SEC16B: variants seen among roughly 807,000 people sequenced by gnomAD.
SEC16B encodes the protein protein transport protein Sec16B.
Under a neutral mutation model 141.8 loss-of-function variants are expected in SEC16B, and 115 were observed. The observed-to-expected ratio is 0.81, with a 90% CI of 0.70 to 0.95. The LOEUF is 0.95. SEC16B is among the 40% of genes least tolerant of loss of function. SEC16B has a pLI of 0.00. For synonymous variants in SEC16B, 493 were observed against 492.5 expected, an observed-to-expected ratio of 1.00 and a Z score of -0.01; for missense variants, 1,291 against 1,312.3, an observed-to-expected ratio of 0.98 and a Z score of 0.25.
chr1:177,937,002 C>A (rs781593466), intron 19 of SEC16B, among the ~76,000 whole-genome samples: 7 of 152,170 alleles, frequency 4.6e-5, no homozygotes, highest in African/African-American at 1.7e-4. Context: ...ATGGACTGGG[C>A]TGGAAGATAG....
chr1:177,945,095 G>A (rs886860114), intron 14 of SEC16B, among the ~76,000 whole-genome samples: 3 of 152,164 alleles, frequency 2.0e-5, no homozygotes, highest in Non-Finnish European at 4.4e-5. Context: ...CACAAAAGAG[G>A]GGAGCCATGT....
Position 177,958,345 on chromosome 1 carries a change from G to A in SEC16B, c.1152C>T (p.Asp384=). Residue 384 remains aspartate, a synonymous_variant, in exon 10 of 26, where the codon GAC becomes GAT. Transcript: ENST00000308284. ...AGTCTTGCATTAGCAGCTCAGCGAT[G>A]TCAGACCCCACCATGGACTGTAAGG... ...CRQNGSMVGS[D]IAELLMQDCK... 6.3e-7 allele frequency: 1 copy of A among 1,599,426 alleles called. No individual in the cohort carries two copies. The highest frequency in any genetic ancestry group is 1.1e-5 in the South Asian group (1 of 87,140).
In SEC16B at chr1:177,936,359, T is replaced by C; in HGVS notation, c.2510A>G (p.Asn837Ser). Residue 837 changes from asparagine (N) to serine (S), a missense_variant, in exon 20 of 26, where the codon AAC becomes AGC. Physicochemically the swap from Asn to Ser is conservative, Grantham distance 46 (BLOSUM62 1). Coordinates refer to ENST00000308284, the MANE Select transcript of SEC16B (RefSeq NM_033127.4). ...CTGGGAAGTTTCTTGAGACACTGTG[T>C]TCTCTCCTGCATCACAAACAGAAAT... is the stretch of plus-strand genomic sequence containing the variant. Reference protein sequence around the residue: ...MLQTHLGPGENTVSQETSQPP... With the variant: ...MLQTHLGPGESTVSQETSQPP... The C allele has an allele frequency of 1.9e-6, 3 of 1,608,712 alleles. No homozygotes were observed. Among genetic ancestry groups the C allele is most frequent in the African/African-American group, 2.7e-5 (2 of 75,016 alleles).
At chr1:177,940,285 C>T (rs936185709) in intron 17 of SEC16B, among the ~76,000 whole-genome samples, 2 of 152,120 alleles carry the variant, frequency 1.3e-5, no homozygotes, top group Non-Finnish European at 2.9e-5. Context: ...TTGTTCCTAG[C>T]GGAGATGGGG....
At chr1:177,936,899 T>C (rs977126131) in intron 19 of SEC16B, among the ~76,000 whole-genome samples, 6 of 152,160 alleles carry the variant, frequency 3.9e-5, no homozygotes, top group Non-Finnish European at 8.8e-5. Flanking sequence ...ACTTGGCCTA[T>C]ATTTTTCCAC....
chr1:177,956,481 C>T (rs1357202191), intron 10 of SEC16B, among the ~76,000 whole-genome samples: 1 of 152,060 alleles, frequency 6.6e-6, no homozygotes, highest in African/African-American at 2.4e-5. Context: ...TAAAATTTCT[C>T]TGGATATTTC....
At position 177,929,884 on chromosome 1, in the gene SEC16B, G is replaced by A. The variant is rs563037330; in HGVS notation, c.3157C>T (p.Arg1053Cys). 14 of 1,613,918 alleles carry A rather than the reference G, an allele frequency of 8.7e-6. No homozygotes were observed. The highest frequency in any genetic ancestry group is 6.6e-5 in the South Asian group (6 of 91,060). Residue 1053 changes from arginine (R) to cysteine (C), a missense_variant, in exon 26 of 26, where the codon CGT becomes TGT. Physicochemically the swap from Arg to Cys is radical, Grantham distance 180 (BLOSUM62 -3). Transcript: ENST00000308284. ...SLNRPNRLAQ[R>C]RYPTQPC is the part of the protein sequence containing the mutation. Reference sequence around the variant, plus strand: ...CAGCATGGCTGGGTGGGATAGCGACGCTGAGCTAGGCGATTTGGCCGATTC... The same window carrying A: ...CAGCATGGCTGGGTGGGATAGCGACACTGAGCTAGGCGATTTGGCCGATTC...
intron 14 of SEC16B, chr1:177,945,955 G>C (rs892426104): frequency 4.0e-6 from 1 of 247,936 alleles, no homozygotes; most frequent in African/African-American, 2.2e-5. Flanking sequence ...TAAGTAGCTT[G>C]TGCACCAAGT....
intron 3 of SEC16B, among the ~76,000 whole-genome samples, chr1:177,965,623 A>C (rs1288664839): frequency 6.6e-6 from 1 of 152,242 alleles, no homozygotes. Context: ...AATCTGGGCT[A>C]TAAGGCAAAG....
In SEC16B at chr1:177,951,946, G is replaced by A. The variant is rs757664340; in HGVS notation, c.1513C>T (p.Leu505Phe). 7.5e-6 allele frequency: 12 copies of A among 1,607,470 alleles called. No individual in the cohort carries two copies. The highest frequency in any genetic ancestry group is 1.0e-5 in the Non-Finnish European group (12 of 1,177,328). Residue 505 changes from leucine to phenylalanine, a missense_variant, in exon 12 of 26, where the codon CTC becomes TTC. Leu to Phe is a conservative substitution (Grantham distance 22). Transcript: ENST00000308284. ...LNDPLQTLFQ[L>F]MSGRIPQAAT... The stretch of plus-strand genomic sequence containing the variant: ...GCCTGTGGAATCCTCCCCGACATGA[G>A]CTGGAAGAGGGTCTGCAGTGGGTCA...
At chr1:177,948,791 A>G (rs899781712) in intron 12 of SEC16B, 5 of 839,820 alleles carry the variant, frequency 6.0e-6, no homozygotes, top group Non-Finnish European at 7.9e-6. Flanking sequence ...TTGTTTTCTC[A>G]TCCCTAAAAT....
chr1:177,967,592 A>G, intron 2 of SEC16B, 91 bp downstream of exon 2: 1 of 1,302,814 alleles, frequency 7.7e-7, no homozygotes, highest in Non-Finnish European at 1.0e-6. Context: ...AAAAAGGGGG[A>G]GAAAAATAAA....
chr1:177,929,905 G>C lies in SEC16B; in HGVS notation c.3136C>G (p.Arg1046Gly). 6.2e-7 allele frequency: 1 copy of C among 1,613,872 alleles called. No homozygotes were observed. Among genetic ancestry groups the C allele is most frequent in the South Asian group, 1.1e-5 (1 of 91,052 alleles). ...PQLPTATSLN[R>G]PNRLAQRRYP... is the part of the protein sequence containing the mutation. ...CGACGCTGAGCTAGGCGATTTGGCC[G>C]ATTCAGGCTAGTGGCCGTGGGCAGC... is the stretch of plus-strand genomic sequence containing the variant. The change falls in exon 26 of 26, where the codon CGG (arginine) becomes GGG (glycine). Residue 1046 changes from arginine to glycine, a missense_variant. Arg to Gly is a moderately radical substitution (Grantham distance 125). Coordinates refer to ENST00000308284, the MANE Select transcript of SEC16B (RefSeq NM_033127.4).
intron 1 of SEC16B, among the ~76,000 whole-genome samples, chr1:177,975,377 T>C (rs1056935615): frequency 2.0e-5 from 3 of 152,300 alleles, no homozygotes; most frequent in African/African-American, 7.2e-5. Context: ...CTGTACCCAA[T>C]AGTTTTCATA....
chr1:177,959,859 T>A (rs1250762239), intron 8 of SEC16B: 1 of 155,774 alleles, frequency 6.4e-6, no homozygotes, highest in Non-Finnish European at 1.4e-5. Flanking sequence ...ATCAGAAATA[T>A]AACTAGACAT....
At position 177,929,896 on chromosome 1, in the gene SEC16B, G is replaced by T; in HGVS notation, c.3145C>A (p.Arg1049Ser). The change falls in exon 26 of 26, where the codon CGC becomes AGC. Residue 1049 changes from arginine to serine, a missense_variant. Physicochemically the swap from Arg to Ser is moderately radical, Grantham distance 110. Coordinates refer to ENST00000308284, the MANE Select transcript of SEC16B (RefSeq NM_033127.4). ...GTGGGATAGCGACGCTGAGCTAGGCGATTTGGCCGATTCAGGCTAGTGGCC... is the reference window on the plus strand; with the variant it reads ...GTGGGATAGCGACGCTGAGCTAGGCTATTTGGCCGATTCAGGCTAGTGGCC... ...PTATSLNRPN[R>S]LAQRRYPTQP... 1 of 1,613,904 alleles carries T rather than the reference G, an allele frequency of 6.2e-7. No homozygotes were observed. Among genetic ancestry groups the T allele is most frequent in the African/African-American group, 1.3e-5 (1 of 75,032 alleles).
At chr1:177,966,225 T>A (rs1336441337) in intron 2 of SEC16B, among the ~76,000 whole-genome samples, 1 of 152,202 alleles carries the variant, frequency 6.6e-6, no homozygotes, top group Non-Finnish European at 1.5e-5. Context: ...TAGTACAATT[T>A]TTTTTACTTA....
chr1:177,978,847 T>C (rs1306033171), intron 1 of SEC16B, among the ~76,000 whole-genome samples: 1 of 152,220 alleles, frequency 6.6e-6, no homozygotes, highest in African/African-American at 2.4e-5. Context: ...CTATTCTTCA[T>C]TATTGACATA....
chr1:177,979,307 A>G (rs1654306526), intron 1 of SEC16B, among the ~76,000 whole-genome samples: 1 of 152,246 alleles, frequency 6.6e-6, no homozygotes, highest in African/African-American at 2.4e-5. Context: ...TCAAAGATTA[A>G]TTTCTGACAA....
Sources: gnomAD v4.1 joint callset for allele counts (sites outside exome capture counted in the v4.1 genomes callset) on GRCh38, gnomAD v4.1.1 for gene constraint, MANE v1.5 for transcripts, NCBI Gene and HGNC (gene_info 2026-07-23, HGNC 2026-07-21) for gene names.